CCSER2: variants seen among roughly 807,000 people sequenced by gnomAD.
CCSER2 encodes the protein serine-rich coiled-coil domain-containing protein 2.
A neutral mutation model predicts 92.3 loss-of-function variants in CCSER2; 46 were observed. The observed-to-expected ratio is 0.50, with a 90% CI of 0.39 to 0.64. CCSER2 has a LOEUF of 0.64. Ranked by LOEUF, CCSER2 falls within the 30% of genes least tolerant of loss-of-function variation. The pLI, the probability that CCSER2 is intolerant of heterozygous loss-of-function variation, is 0.00. For synonymous variants in CCSER2, 433 were observed against 431.4 expected (o/e 1.00, Z -0.04); for missense variants, 1,244 against 1,238.9 (o/e 1.00, Z -0.06).
rs115270194 is a variant in CCSER2, at chr10:84,468,060, G to C, written c.2149-2312G>C. Among the ~76,000 whole-genome samples, 556 of 152,292 alleles carry C rather than the reference G, an allele frequency of 3.7e-3. 4 individuals are homozygous for C. The highest frequency in any genetic ancestry group is 0.013 in the African/African-American group (543 of 41,554). On this transcript the variant is annotated intron_variant, in intron 7 of 9. Coordinates refer to ENST00000372088, the MANE Select transcript of CCSER2 (RefSeq NM_001284240.2). The stretch of plus-strand genomic sequence containing the variant: ...ATGCGTGATAGTCATGGCTCTCTGT[G>C]ATCTGGCCCTTGCATAGTTTACTAG...
intron 3 of CCSER2, among the ~76,000 whole-genome samples, chr10:84,382,825 T>G (rs1840987441): frequency 6.6e-6 from 1 of 152,244 alleles, no homozygotes; most frequent in African/African-American, 2.4e-5. Context: ...ACTCCTTATT[T>G]AAATGAGATT....
At chr10:84,457,049 G>T (rs1450232559) in intron 6 of CCSER2, among the ~76,000 whole-genome samples, 1 of 149,798 alleles carries the variant, frequency 6.7e-6, no homozygotes, top group Non-Finnish European at 1.5e-5. Flanking sequence ...ATGTACAATT[G>T]TGAGGTAATA....
At chr10:84,417,287 G>T (rs1379179976) in intron 3 of CCSER2, among the ~76,000 whole-genome samples, 1 of 151,980 alleles carries the variant, frequency 6.6e-6, no homozygotes, top group East Asian at 1.9e-4. Flanking sequence ...AGCCAAGGAG[G>T]TGACAGAGTG....
intron 3 of CCSER2, among the ~76,000 whole-genome samples, chr10:84,402,373 C>T (rs1032111742): frequency 3.3e-5 from 5 of 152,088 alleles, no homozygotes; most frequent in African/African-American, 1.2e-4. Context: ...ATAATGTCAG[C>T]ATATTGAAAC....
chr10:84,491,535 G>C (rs1848165936), intron 9 of CCSER2, among the ~76,000 whole-genome samples: 1 of 152,162 alleles, frequency 6.6e-6, no homozygotes, highest in Admixed American at 6.5e-5. Context: ...GGGACCCTCC[G>C]AGCCAGGCAC....
At chr10:84,343,561 T>C (rs1844319660) in intron 1 of CCSER2, among the ~76,000 whole-genome samples, 1 of 152,232 alleles carries the variant, frequency 6.6e-6, no homozygotes, top group Admixed American at 6.5e-5. Context: ...AGAATAGTGC[T>C]TAAACCATGG....
At chr10:84,424,735 A>G (rs907990257) in intron 4 of CCSER2, among the ~76,000 whole-genome samples, 1 of 152,030 alleles carries the variant, frequency 6.6e-6, no homozygotes, top group African/African-American at 2.4e-5. Flanking sequence ...AACATGCAGG[A>G]CTTGAACTTT....
chr10:84,445,606 A>C (rs539781465), intron 6 of CCSER2, among the ~76,000 whole-genome samples: 1 of 152,354 alleles, frequency 6.6e-6, no homozygotes, highest in South Asian at 2.1e-4. Context: ...GAAATGAAAC[A>C]TTACCAGAAC....
intron 9 of CCSER2, among the ~76,000 whole-genome samples, chr10:84,480,750 A>G (rs1474517327): frequency 6.6e-6 from 1 of 152,190 alleles, no homozygotes; most frequent in African/African-American, 2.4e-5. Flanking sequence ...TTAACATTTT[A>G]TATATGGTCT....
At chr10:84,349,166 C>A (rs1844721861) in intron 1 of CCSER2, among the ~76,000 whole-genome samples, 1 of 152,080 alleles carries the variant, frequency 6.6e-6, no homozygotes, top group African/African-American at 2.4e-5. Flanking sequence ...CTATTAAGGG[C>A]CTAAACACAA....
intron 1 of CCSER2, among the ~76,000 whole-genome samples, chr10:84,364,535 C>G (rs562830183): frequency 3.0e-4 from 46 of 152,016 alleles, no homozygotes; most frequent in Non-Finnish European, 5.6e-4. Flanking sequence ...TTGGTTTTAG[C>G]TATTTAAGAT....
rs113699840 is a variant in CCSER2 at position 84,498,535 on chromosome 10, T to C, written c.2326-14914T>C. Among the ~76,000 whole-genome samples the C allele has an allele frequency of 6.2e-3, 945 of 152,240 alleles. 6 individuals are homozygous for C. The highest frequency in any genetic ancestry group is 0.019 in the East Asian group (99 of 5,186). On this transcript the variant is annotated intron_variant, in intron 9 of 9. Transcript: ENST00000372088. ...GGGATCACCCTTAAATTTAAAGAAG[T>C]ATTTGATTATACCTGAGTCAAAGAA... is the stretch of plus-strand genomic sequence containing the variant.
intron 9 of CCSER2, chr10:84,507,369 C>T: frequency 2.1e-6 from 2 of 965,024 alleles, no homozygotes; most frequent in Non-Finnish European, 2.5e-6. Context: ...CTACCACCTT[C>T]CTCATAATCA....
chr10:84,446,292 A>C (rs1162626221), intron 6 of CCSER2, among the ~76,000 whole-genome samples: 2 of 152,196 alleles, frequency 1.3e-5, no homozygotes, highest in Non-Finnish European at 2.9e-5. Context: ...GGAGTATATA[A>C]TAGTATTTTA....
chr10:84,490,929 C>A (rs1011501127), intron 9 of CCSER2, among the ~76,000 whole-genome samples: 1 of 152,122 alleles, frequency 6.6e-6, no homozygotes, highest in African/African-American at 2.4e-5. Flanking sequence ...GTGTGGATGT[C>A]CTTTCTGTTT....
In CCSER2 at chr10:84,405,991, A is replaced by T. The variant is rs188509112; in HGVS notation, c.1615-11780A>T. Among the ~76,000 whole-genome samples, 40 of 152,322 alleles carry T rather than the reference A, an allele frequency of 2.6e-4. No homozygotes were observed. The East Asian group carries it at 6.9e-3, about 26-fold the overall frequency. ...AGCTTATATTCACACAAAAAGTTGT[A>T]CATGCATGCTTATAATAACTTCATG... is the stretch of plus-strand genomic sequence containing the variant. On this transcript the variant is annotated intron_variant, in intron 3 of 9. Transcript: ENST00000372088.
At chr10:84,497,844 A>T (rs1407300659) in intron 9 of CCSER2, among the ~76,000 whole-genome samples, 1 of 152,218 alleles carries the variant, frequency 6.6e-6, no homozygotes, top group Non-Finnish European at 1.5e-5. Context: ...TTACAAAATT[A>T]AAAATAGAGT....
intron 8 of CCSER2, among the ~76,000 whole-genome samples, chr10:84,476,536 C>T (rs1239754562): frequency 2.1e-5 from 3 of 144,350 alleles, no homozygotes; most frequent in African/African-American, 7.7e-5. Context: ...GCTCTGCTTC[C>T]GGGTTCATGC....
intron 9 of CCSER2, among the ~76,000 whole-genome samples, chr10:84,504,565 G>C (rs950720442): frequency 6.6e-6 from 1 of 152,054 alleles, no homozygotes; most frequent in Admixed American, 6.6e-5. Context: ...CTGGAGAATT[G>C]TTCTCTTGAA....
Sources: allele counts gnomAD v4.1 joint callset (sites outside exome capture counted in the v4.1 genomes callset), GRCh38; gene constraint gnomAD v4.1.1; transcripts MANE v1.5; gene names NCBI Gene and HGNC (gene_info 2026-07-23, HGNC 2026-07-21).